AKR1B15: variants seen among roughly 807,000 people sequenced by gnomAD.
The protein encoded by AKR1B15 is estradiol 17-beta-dehydrogenase AKR1B15.
A neutral mutation model predicts 38.5 loss-of-function variants in AKR1B15; 49 were observed. That is an observed-to-expected ratio of 1.27 (90% CI 1.01 to 1.62). AKR1B15 has a LOEUF of 1.62. AKR1B15 is among the 40% of genes most tolerant of loss of function. AKR1B15 has a pLI of 0.00. For synonymous variants in AKR1B15, 137 were observed against 135.5 expected, an observed-to-expected ratio of 1.01 and a Z score of -0.08; for missense variants, 411 against 381.6, an observed-to-expected ratio of 1.08 and a Z score of -0.64.
rs931818973 is a variant in AKR1B15, at chr7:134,579,493, C to CTG, written c.993-13_993-12insGT. The CTG allele has an allele frequency of 2.1e-6, 3 of 1,457,850 alleles. No individual in the cohort carries two copies. The highest frequency in any genetic ancestry group is 3.5e-5 in the African/African-American group (2 of 56,700). 90.3% of individuals were successfully genotyped at this position (1,457,850 alleles called of 1,614,324 possible). A position where few individuals can be genotyped will look rare whatever the true frequency, so the allele number is the denominator to read the frequency against. ...TGGAACACAGTTTCTTTTTTTTTTT[C>CTG]TCTCTCTCTGTAGATTCTCTCATTT... On this transcript the variant is annotated splice_polypyrimidine_tract_variant and intron_variant, in intron 11 of 11. Coordinates refer to ENST00000457545, the MANE Select transcript of AKR1B15 (RefSeq NM_001080538.3).
chr7:134,552,864 AC>A lies in AKR1B15; in HGVS notation c.-147+3618del, dbSNP rs147394937. On this transcript the variant is annotated intron_variant, in intron 1 of 11. Coordinates refer to ENST00000457545, the MANE Select transcript of AKR1B15 (RefSeq NM_001080538.3). ...ACCCCGAAGTTTTAAAAATTCCCCC[AC>A]CCTTTTTAGGGAAGCCCTCCAACAG... Among the ~76,000 whole-genome samples the A allele has an allele frequency of 2.5e-3, 377 of 151,736 alleles. 18 individuals are homozygous for A. In the East Asian group the frequency reaches 0.065, roughly 26 times the overall value.
intron 1 of AKR1B15, among the ~76,000 whole-genome samples, chr7:134,553,823 G>A (rs1204967713): frequency 6.6e-6 from 1 of 152,292 alleles, no homozygotes; most frequent in East Asian, 1.9e-4. Flanking sequence ...TGCCTCTAAA[G>A]GAGGTGGATG....
At chr7:134,579,405 G>A in intron 11 of AKR1B15, 102 bp from the exon 12 acceptor site, 1 of 1,009,962 alleles carries the variant, frequency 9.9e-7, no homozygotes, top group African/African-American at 1.7e-5. Flanking sequence ...GAGGCTGAGA[G>A]ACCACAAATA....
At position 134,575,539 on chromosome 7, in the gene AKR1B15, C is replaced by T; in HGVS notation, c.633C>T (p.Asn211=). 6 of 1,613,782 alleles carry T rather than the reference C, an allele frequency of 3.7e-6. No individual in the cohort carries two copies. The highest frequency in any genetic ancestry group is 5.1e-6 in the Non-Finnish European group (6 of 1,179,788). ...GACTGAAATATAAACCAGTGACTAA[C>T]CAGGTAAATTCTATTCAGTTTAAGG... ...KPGLKYKPVT[N]QVECHPYLTQ... The change falls in exon 7 of 12, where the codon AAC becomes AAT. Residue 211 remains asparagine, a synonymous_variant. Transcript: ENST00000457545.
At chr7:134,572,638 A>G (rs1186307691) in intron 6 of AKR1B15, among the ~76,000 whole-genome samples, 1 of 146,446 alleles carries the variant, frequency 6.8e-6, no homozygotes, top group Non-Finnish European at 1.5e-5. Context: ...GAAGAAAAAA[A>G]AAAAAAAGAA....
intron 2 of AKR1B15, among the ~76,000 whole-genome samples, chr7:134,558,204 TA>T (rs1260881516): frequency 6.6e-6 from 1 of 152,092 alleles, no homozygotes; most frequent in Admixed American, 6.5e-5. Context: ...GCTTAACATG[TA>T]AAAAAAGCTA....
chr7:134,569,533 T>G lies in AKR1B15; in HGVS notation c.435+4T>G. 1.2e-6 allele frequency: 2 copies of G among 1,613,962 alleles called. No homozygotes were observed. The highest frequency in any genetic ancestry group is 1.7e-6 in the Non-Finnish European group (2 of 1,179,858). The stretch of plus-strand genomic sequence containing the variant: ...TCACTGGCCACAGGGATTCAAGGTT[T>G]GAGTGACTCCCTTTCTCAGCCTCTA... On this transcript the variant is annotated splice_donor_region_variant and intron_variant, in intron 5 of 11. Transcript: ENST00000457545.
chr7:134,550,333 T>C (rs1793923101), intron 1 of AKR1B15, among the ~76,000 whole-genome samples: 2 of 152,150 alleles, frequency 1.3e-5, no homozygotes, highest in African/African-American at 2.4e-5. Context: ...TTTTCCTGTG[T>C]TGCAGCAAGT....
chr7:134,572,086 A>G (rs1280973597), intron 6 of AKR1B15, among the ~76,000 whole-genome samples: 1 of 152,160 alleles, frequency 6.6e-6, no homozygotes, highest in East Asian at 1.9e-4. Flanking sequence ...CTACTAATAT[A>G]TATCTTTCGG....
intron 3 of AKR1B15, among the ~76,000 whole-genome samples, chr7:134,567,350 C>T (rs941032528): frequency 3.9e-5 from 6 of 152,114 alleles, no homozygotes; most frequent in African/African-American, 4.8e-5. Context: ...CCCTCTCTCT[C>T]GTTCTCCCTA....
chr7:134,578,337 G>A (rs1447101426), intron 11 of AKR1B15, among the ~76,000 whole-genome samples: 1 of 152,196 alleles, frequency 6.6e-6, no homozygotes, highest in Non-Finnish European at 1.5e-5. Context: ...TATGCCATAT[G>A]TATATTTGGG....
intron 1 of AKR1B15, among the ~76,000 whole-genome samples, chr7:134,552,470 T>C (rs1028195687): frequency 1.3e-5 from 2 of 152,152 alleles, no homozygotes; most frequent in Non-Finnish European, 2.9e-5. Context: ...AACAATATCC[T>C]ATGATTCTGT....
intron 1 of AKR1B15, among the ~76,000 whole-genome samples, chr7:134,556,029 T>C (rs913218742): frequency 6.6e-6 from 1 of 152,168 alleles, no homozygotes; most frequent in African/African-American, 2.4e-5. Flanking sequence ...TCCGTAACCC[T>C]AGTTTAACTC....
chr7:134,556,647 T>C (rs1000783040), intron 1 of AKR1B15, 89 bp from the exon 2 acceptor site: 1 of 152,140 alleles, frequency 6.6e-6, no homozygotes, highest in Non-Finnish European at 1.5e-5. Flanking sequence ...ACCTCTCCTA[T>C]GCATGTTGAT....
intron 4 of AKR1B15, 51 bp from the exon 5 acceptor site, chr7:134,569,362 G>A (rs1248910351): frequency 1.9e-6 from 3 of 1,599,122 alleles, no homozygotes; most frequent in African/African-American, 2.7e-5. Flanking sequence ...TGAGTATAAT[G>A]TGGCCCTTCC....
intron 6 of AKR1B15, among the ~76,000 whole-genome samples, chr7:134,572,376 C>T (rs941237800): frequency 6.6e-6 from 1 of 152,132 alleles, no homozygotes; most frequent in Non-Finnish European, 1.5e-5. Flanking sequence ...ACTTTGTAAT[C>T]CCAGCACTTT....
In AKR1B15 at chr7:134,568,181, A is replaced by G. The variant is rs1025120754; in HGVS notation, c.174A>G (p.Glu58=). The G allele has an allele frequency of 6.2e-7, 1 of 1,614,000 alleles. No individual in the cohort carries two copies. Among genetic ancestry groups the G allele is most frequent in the African/African-American group, 1.3e-5 (1 of 74,938 alleles). The change falls in exon 4 of 12, where the codon GAA becomes GAG. Residue 58 remains glutamate, a synonymous_variant. Transcript: ENST00000457545. ...AGTCTCTTCTCGGCAAAGTGAAAGAAGCGGTGAAGGTGGCCATTGATGCAG... is the reference window on the plus strand; with the variant it reads ...AGTCTCTTCTCGGCAAAGTGAAAGAGGCGGTGAAGGTGGCCATTGATGCAG... ...YPASLLGKVK[E]AVKVAIDAEY... is the part of the protein sequence containing the mutation.
At chr7:134,577,153 C>T in intron 10 of AKR1B15, 107 bp downstream of exon 10, 1 of 1,153,884 alleles carries the variant, frequency 8.7e-7, no homozygotes, top group Non-Finnish European at 1.3e-6. Context: ...TGGCCCCCTC[C>T]TTCCCCACCA....
intron 6 of AKR1B15, among the ~76,000 whole-genome samples, chr7:134,572,974 A>G (rs571815248): frequency 6.6e-6 from 1 of 152,294 alleles, no homozygotes; most frequent in South Asian, 2.1e-4. Context: ...AATTGACATG[A>G]TTCAATTAAA....
Sources: gnomAD v4.1 joint callset for allele counts (sites outside exome capture counted in the v4.1 genomes callset) on GRCh38, gnomAD v4.1.1 for gene constraint, MANE v1.5 for transcripts, NCBI Gene and HGNC (gene_info 2026-07-23, HGNC 2026-07-21) for gene names.